LPAR1: variants seen among roughly 807,000 people sequenced by gnomAD.
The protein encoded by LPAR1 is LPA receptor 1.
Under a neutral mutation model 23.8 loss-of-function variants are expected in LPAR1, and 5 were observed. The ratio of observed to expected loss-of-function variants is 0.21; its 90% confidence interval spans 0.11 to 0.44. The LOEUF is 0.44. LPAR1 is among the 20% of genes least tolerant of loss of function. The pLI, the probability that LPAR1 is intolerant of heterozygous loss-of-function variation, is 0.99. For synonymous variants in LPAR1, 160 were observed against 164.7 expected, an observed-to-expected ratio of 0.97 and a Z score of 0.22; for missense variants, 311 against 482.8, an observed-to-expected ratio of 0.64 and a Z score of 3.33.
At chr9:110,997,855 T>C (rs954196712) in intron 2 of LPAR1, among the ~76,000 whole-genome samples, 1 of 152,242 alleles carries the variant, frequency 6.6e-6, no homozygotes, top group South Asian at 2.1e-4. Context: ...CCAAAGCTGG[T>C]GCATAAGATG....
intron 5 of LPAR1, among the ~76,000 whole-genome samples, chr9:110,912,310 T>C (rs966810828): frequency 1.3e-5 from 2 of 152,176 alleles, no homozygotes; most frequent in African/African-American, 4.8e-5. Context: ...AGCTTGAACA[T>C]TGCCAGGAAT....
chr9:110,954,559 A>C (rs1308210494), intron 4 of LPAR1, among the ~76,000 whole-genome samples: 1 of 152,184 alleles, frequency 6.6e-6, no homozygotes, highest in Non-Finnish European at 1.5e-5. Context: ...AGAGAATTAT[A>C]AAAACCTCAA....
intron 2 of LPAR1, among the ~76,000 whole-genome samples, chr9:111,020,240 T>A (rs367632883): frequency 6.6e-6 from 1 of 152,210 alleles, no homozygotes. Context: ...AAATCTCTTG[T>A]AGAAAGAATA....
At chr9:110,962,720 A>G (rs1308384351) in intron 4 of LPAR1, among the ~76,000 whole-genome samples, 1 of 152,222 alleles carries the variant, frequency 6.6e-6, no homozygotes, top group Non-Finnish European at 1.5e-5. Flanking sequence ...TCCTGGCCTG[A>G]GCCTGCCTAA....
At chr9:111,006,266 C>G (rs1245021097) in intron 2 of LPAR1, among the ~76,000 whole-genome samples, 2 of 152,232 alleles carry the variant, frequency 1.3e-5, no homozygotes, top group African/African-American at 4.8e-5. Flanking sequence ...ATCTTCCCAG[C>G]TTTCTCAAGT....
chr9:110,983,182 A>G (rs1189859258), intron 2 of LPAR1, among the ~76,000 whole-genome samples: 16 of 152,042 alleles, frequency 1.1e-4, no homozygotes, highest in Admixed American at 1.1e-3. Flanking sequence ...ATAACTGTTA[A>G]TGATCTTTCA....
intron 4 of LPAR1, among the ~76,000 whole-genome samples, chr9:110,962,177 A>G (rs1030869303): frequency 2.0e-5 from 3 of 152,142 alleles, no homozygotes; most frequent in South Asian, 2.1e-4. Context: ...CCTATCTTAC[A>G]TAAGTGGGAT....
At chr9:110,899,517 G>A (rs1405855418) in intron 5 of LPAR1, among the ~76,000 whole-genome samples, 1 of 152,170 alleles carries the variant, frequency 6.6e-6, no homozygotes. Context: ...AGCTAAATGG[G>A]AACCGTAAGT....
At chr9:110,928,533 A>T (rs1424518776) in intron 5 of LPAR1, among the ~76,000 whole-genome samples, 1 of 152,222 alleles carries the variant, frequency 6.6e-6, no homozygotes, top group Non-Finnish European at 1.5e-5. Flanking sequence ...TTCTTCTAGA[A>T]CATTAGAATT....
chr9:110,881,336 A>G (rs2080766704), intron 5 of LPAR1, among the ~76,000 whole-genome samples: 1 of 152,180 alleles, frequency 6.6e-6, no homozygotes, highest in South Asian at 2.1e-4. Context: ...TTAGAGAAGG[A>G]TAATAACACC....
intron 4 of LPAR1, among the ~76,000 whole-genome samples, chr9:110,966,933 G>T (rs2096247303): frequency 6.6e-6 from 1 of 152,164 alleles, no homozygotes; most frequent in Non-Finnish European, 1.5e-5. Flanking sequence ...ACAGGGTAAT[G>T]CTTAACACAG....
rs527885879 is a variant in LPAR1, at chr9:110,878,281, C to G, written c.794-2559G>C. On this transcript the variant is annotated intron_variant, in intron 5 of 5. Transcript: ENST00000683809. ...TATGGAAATTCTGCGCCCCCCTCCC[C>G]CTCCTTTCTATTTCACAGAGGCCTC... 5.9e-5 allele frequency among the ~76,000 whole-genome samples: 9 copies of G among 152,226 alleles called. No individual in the cohort carries two copies. In the East Asian group the frequency reaches 1.7e-3, roughly 29 times the overall value.
chr9:111,026,968 G>C (rs1233775325), intron 2 of LPAR1, among the ~76,000 whole-genome samples: 1 of 152,138 alleles, frequency 6.6e-6, no homozygotes, highest in Non-Finnish European at 1.5e-5. Context: ...TGTTCATCAG[G>C]GATATTGGCC....
chr9:111,028,925 T>C (rs1157133561), intron 2 of LPAR1, among the ~76,000 whole-genome samples: 1 of 152,142 alleles, frequency 6.6e-6, no homozygotes, highest in East Asian at 1.9e-4. Flanking sequence ...CAGATAACAA[T>C]AGCTGGAATG....
At chr9:110,897,015 C>A (rs918023795) in intron 5 of LPAR1, among the ~76,000 whole-genome samples, 4 of 152,206 alleles carry the variant, frequency 2.6e-5, no homozygotes, top group African/African-American at 9.6e-5. Flanking sequence ...TCTCGATCTC[C>A]TGACCTCATG....
At chr9:110,944,209 C>T (rs1158383004) in intron 4 of LPAR1, among the ~76,000 whole-genome samples, 1 of 152,108 alleles carries the variant, frequency 6.6e-6, no homozygotes, top group African/African-American at 2.4e-5. Context: ...CAAGTAATGC[C>T]AAGGCTGCTG....
intron 4 of LPAR1, among the ~76,000 whole-genome samples, chr9:110,964,793 T>A (rs949978056): frequency 5.4e-5 from 8 of 149,112 alleles, no homozygotes. Context: ...TGAGAGTACC[T>A]ATTGGTAAGG....
rs182718403 is a variant in LPAR1 at position 110,924,688 on chromosome 9, A to G, written c.793+16733T>C. On this transcript the variant is annotated intron_variant, in intron 5 of 5. Coordinates refer to ENST00000683809, the MANE Select transcript of LPAR1 (RefSeq NM_001351411.2). ...TCTCTTAGAAAAAAAAAAAGAGGAA[A>G]TGTGATGTGATTAAAATAAGATTCA... 1.9e-3 allele frequency among the ~76,000 whole-genome samples: 293 copies of G among 152,230 alleles called. 2 individuals are homozygous for G. The highest frequency in any genetic ancestry group is 6.9e-3 in the African/African-American group (286 of 41,546).
intron 5 of LPAR1, among the ~76,000 whole-genome samples, chr9:110,930,511 AAAAAAT>A (rs1042489011): frequency 6.6e-6 from 1 of 152,146 alleles, no homozygotes; most frequent in Non-Finnish European, 1.5e-5. Context: ...ACTCCATCTC[AAAAAAT>A]AAAAATAAAA....
Sources: gnomAD v4.1 joint callset for allele counts (sites outside exome capture counted in the v4.1 genomes callset) on GRCh38, gnomAD v4.1.1 for gene constraint, MANE v1.5 for transcripts, NCBI Gene and HGNC (gene_info 2026-07-23, HGNC 2026-07-21) for gene names.